The following SLC7A14 variants were observed in gnomAD, a reference collection of about 807,000 sequenced individuals.
SLC7A14 encodes the protein solute carrier family 7 member 14.
A neutral mutation model predicts 60.2 loss-of-function variants in SLC7A14; 37 were observed. The ratio of observed to expected loss-of-function variants is 0.61; its 90% confidence interval spans 0.47 to 0.81. The LOEUF is 0.81. SLC7A14 is among the 30% of genes least tolerant of loss of function. The probability of loss-of-function intolerance (pLI) is 0.00; values close to 1 mark genes in which losing one functional copy is unlikely to be tolerated. For synonymous variants in SLC7A14, 399 were observed against 395.8 expected, an observed-to-expected ratio of 1.01 and a Z score of -0.10; for missense variants, 886 against 982.7, an observed-to-expected ratio of 0.90 and a Z score of 1.32.
At position 170,463,477 on chromosome 3, in the gene SLC7A14, C is replaced by T. The variant is rs1417291482; in HGVS notation, c.*3578G>A. On this transcript the variant is annotated 3_prime_UTR_variant, in exon 8 of 8. Transcript: ENST00000231706. ...TACAAGTCCGTCATCTCACCTGACA[C>T]ATTCACTATTGTTCTTTATTTATAT... 1 of 152,164 alleles carries T rather than the reference C, an allele frequency of 6.6e-6. No homozygotes were observed. Among genetic ancestry groups the T allele is most frequent in the Non-Finnish European group, 1.5e-5 (1 of 68,034 alleles). The allele number at this position is 152,164 out of a possible 1,614,324, so 9.4% of individuals were successfully genotyped here.
chr3:170,514,519 ATTATTATAC>A (rs1226523485), intron 2 of SLC7A14, among the ~76,000 whole-genome samples: 1 of 152,192 alleles, frequency 6.6e-6, no homozygotes, highest in Non-Finnish European at 1.5e-5. Flanking sequence ...ACTGTTTGTA[ATTATTATAC>A]ATATTGATTT....
chr3:170,516,779 A>G (rs1713172543), intron 2 of SLC7A14, among the ~76,000 whole-genome samples: 1 of 151,954 alleles, frequency 6.6e-6, no homozygotes, highest in African/African-American at 2.4e-5. Flanking sequence ...ACATAAATAA[A>G]TAAATAATAA....
rs1426939381 is a variant in SLC7A14, at chr3:170,526,928, G to A, written c.9C>T (p.Gly3=). 1.2e-6 allele frequency: 2 copies of A among 1,612,736 alleles called. No homozygotes were observed. The highest frequency in any genetic ancestry group is 2.7e-5 in the African/African-American group (2 of 74,920). MS[G]FFTSLDPRRV... is the part of the protein sequence containing the mutation. ...GCCGGGGGTCCAGCGAGGTGAAGAA[G>A]CCACTCATCTTGAGCGATAGGGGAT... is the stretch of plus-strand genomic sequence containing the variant. The change falls in exon 2 of 8, where the codon GGC becomes GGT. Residue 3 remains glycine, a synonymous_variant. Transcript: ENST00000231706.
At chr3:170,578,315 G>C (rs752673745) in intron 1 of SLC7A14, among the ~76,000 whole-genome samples, 1 of 152,242 alleles carries the variant, frequency 6.6e-6, no homozygotes, top group Non-Finnish European at 1.5e-5. Context: ...CCATCTTACA[G>C]AAAGACAATG....
At chr3:170,543,238 G>A (rs1329722505) in intron 1 of SLC7A14, among the ~76,000 whole-genome samples, 2 of 152,126 alleles carry the variant, frequency 1.3e-5, no homozygotes, top group East Asian at 3.9e-4. Context: ...ATTGTTTTAT[G>A]CCTCCTCCGG....
intron 4 of SLC7A14, chr3:170,496,667 A>G (rs529378107): frequency 5.8e-6 from 7 of 1,196,912 alleles, no homozygotes; most frequent in South Asian, 1.2e-5. Context: ...ACGAGTATCC[A>G]TAGGAAGACC....
At chr3:170,569,643 T>A (rs375078388) in intron 1 of SLC7A14, among the ~76,000 whole-genome samples, 30 of 152,202 alleles carry the variant, frequency 2.0e-4, no homozygotes, top group African/African-American at 4.3e-4. Flanking sequence ...CTGGTCCTGG[T>A]CTCTTTTTGG....
chr3:170,571,705 A>C (rs1016495957), intron 1 of SLC7A14, among the ~76,000 whole-genome samples: 1 of 152,156 alleles, frequency 6.6e-6, no homozygotes, highest in Non-Finnish European at 1.5e-5. Context: ...GAATGAATTA[A>C]TGAATAACTA....
chr3:170,575,133 G>A (rs892023338), intron 1 of SLC7A14, among the ~76,000 whole-genome samples: 6 of 152,164 alleles, frequency 3.9e-5, no homozygotes, highest in African/African-American at 1.2e-4. Flanking sequence ...ATGTAGATGA[G>A]GGAAAAATTC....
chr3:170,495,779 G>T, intron 4 of SLC7A14: 1 of 1,154,326 alleles, frequency 8.7e-7, no homozygotes. Context: ...GGTTCCTGCA[G>T]CAGTAGAACA....
intron 2 of SLC7A14, among the ~76,000 whole-genome samples, chr3:170,510,395 A>T (rs1057046015): frequency 1.4e-5 from 2 of 143,220 alleles, no homozygotes; most frequent in African/African-American, 5.3e-5. Flanking sequence ...GTCAAAAAAA[A>T]AAAAATAAAT....
chr3:170,519,943 C>T (rs1157827086), intron 2 of SLC7A14, among the ~76,000 whole-genome samples: 1 of 152,182 alleles, frequency 6.6e-6, no homozygotes, highest in East Asian at 1.9e-4. Flanking sequence ...GTCTGACTGG[C>T]ACAGCAGAAA....
chr3:170,581,033 A>G (rs1715220898), intron 1 of SLC7A14, among the ~76,000 whole-genome samples: 1 of 152,160 alleles, frequency 6.6e-6, no homozygotes, highest in Non-Finnish European at 1.5e-5. Flanking sequence ...TTGGGAGTAA[A>G]TGTTAGCCAG....
At chr3:170,479,380 C>T (rs193188680) in intron 7 of SLC7A14, among the ~76,000 whole-genome samples, 21 of 152,316 alleles carry the variant, frequency 1.4e-4, no homozygotes, top group Admixed American at 7.8e-4. Flanking sequence ...TCTTCCATTA[C>T]ACTTCTCAAG....
At chr3:170,493,873 C>G (rs1712300422) in intron 4 of SLC7A14, among the ~76,000 whole-genome samples, 1 of 152,218 alleles carries the variant, frequency 6.6e-6, no homozygotes, top group African/African-American at 2.4e-5. Flanking sequence ...CTGGGCTGTC[C>G]TTTGTTCTCA....
At chr3:170,490,030 GATAAC>G (rs1273799990) in intron 4 of SLC7A14, among the ~76,000 whole-genome samples, 2 of 152,104 alleles carry the variant, frequency 1.3e-5, no homozygotes, top group Admixed American at 1.3e-4. Flanking sequence ...CCTACTATTA[GATAAC>G]ATAACAGGGT....
rs554520052 is a variant in SLC7A14 at position 170,555,811 on chromosome 3, C to CT, written c.-152-28724dup. Among the ~76,000 whole-genome samples the CT allele has an allele frequency of 4.0e-3, 614 of 152,254 alleles. 5 individuals carry two copies. Among genetic ancestry groups the CT allele is most frequent in the African/African-American group, 0.014 (593 of 41,546 alleles). Reference sequence around the variant, plus strand: ...TCAAACACCATTATATAGCACATGACTATAGTGACATAATTGATGTAATTA... The same window carrying CT: ...TCAAACACCATTATATAGCACATGACTTATAGTGACATAATTGATGTAATTA... On this transcript the variant is annotated intron_variant, in intron 1 of 7. Coordinates refer to ENST00000231706, the MANE Select transcript of SLC7A14 (RefSeq NM_020949.3).
intron 1 of SLC7A14, among the ~76,000 whole-genome samples, chr3:170,544,264 C>T (rs1363749021): frequency 6.6e-6 from 1 of 151,956 alleles, no homozygotes; most frequent in Non-Finnish European, 1.5e-5. Flanking sequence ...GGACACATTA[C>T]AGGACTGAAA....
intron 2 of SLC7A14, among the ~76,000 whole-genome samples, chr3:170,524,035 T>G (rs1560268808): frequency 6.6e-6 from 1 of 152,192 alleles, no homozygotes; most frequent in Non-Finnish European, 1.5e-5. Context: ...AAGTGTTATG[T>G]GGAGAGGAGG....
Sources: allele counts gnomAD v4.1 joint callset (sites outside exome capture counted in the v4.1 genomes callset), GRCh38; gene constraint gnomAD v4.1.1; transcripts MANE v1.5; gene names NCBI Gene and HGNC (gene_info 2026-07-23, HGNC 2026-07-21).